The following RPS6KA6 variants were observed in gnomAD, a reference collection of about 807,000 sequenced individuals.
RPS6KA6 encodes the protein ribosomal protein S6 kinase A6.
Under a neutral mutation model 65.4 loss-of-function variants are expected in RPS6KA6, and 27 were observed. The ratio of observed to expected loss-of-function variants is 0.41; its 90% CI spans 0.30 to 0.57. The LOEUF is 0.57. Ranked by LOEUF, RPS6KA6 falls within the 20% of genes least tolerant of loss-of-function variation. The pLI, the probability that RPS6KA6 is intolerant of heterozygous loss-of-function variation, is 0.24. For synonymous variants in RPS6KA6, 190 were observed against 184.2 expected (o/e 1.03, Z -0.26); for missense variants, 486 against 555.6 (o/e 0.87, Z 1.26).
chrX:84,076,520 A>T (rs1352206623), intron 20 of RPS6KA6, among the ~76,000 whole-genome samples: 3 of 112,112 alleles, frequency 2.7e-5, no homozygotes, highest in Non-Finnish European at 5.6e-5. Flanking sequence ...ATTCAAATGT[A>T]TATCAATGTA....
chrX:84,150,781 G>A (rs1006378571), intron 3 of RPS6KA6, among the ~76,000 whole-genome samples: 2 of 95,536 alleles, frequency 2.1e-5, no homozygotes, highest in Non-Finnish European at 4.2e-5. Flanking sequence ...TATGAGACAC[G>A]GACTATATAG....
At chrX:84,151,238 GATAT>G (rs975613815) in intron 3 of RPS6KA6, among the ~76,000 whole-genome samples, 12 of 94,782 alleles carry the variant, frequency 1.3e-4, no homozygotes, top group East Asian at 7.7e-4. Context: ...AGATATATAG[GATAT>G]ATATAGATAT....
At chrX:84,132,849 G>A (rs2147508900) in intron 8 of RPS6KA6, among the ~76,000 whole-genome samples, 1 of 108,677 alleles carries the variant, frequency 9.2e-6, no homozygotes, top group South Asian at 4.0e-4. Flanking sequence ...TAATTTCAGA[G>A]TAGCCTGTCA....
At chrX:84,068,676 C>G (rs189962937) in intron 20 of RPS6KA6, among the ~76,000 whole-genome samples, 1 of 112,018 alleles carries the variant, frequency 8.9e-6, no homozygotes, top group Non-Finnish European at 1.9e-5. Flanking sequence ...AAAACCCTAT[C>G]GTCTCAGCCT....
At chrX:84,145,674 T>C (rs2035186442) in intron 5 of RPS6KA6, 117 bp from the exon 6 acceptor site, 5 of 392,168 alleles carry the variant, frequency 1.3e-5, no homozygotes, top group Admixed American at 1.1e-4. Context: ...GGTTCATTAA[T>C]GGATAACATC....
rs1249803802 is a variant in RPS6KA6 at position 84,118,605 on chromosome X, C to T, written c.790-1151G>A. Among the ~76,000 whole-genome samples, 3 of 111,592 alleles carry T rather than the reference C, an allele frequency of 2.7e-5. No homozygotes were observed. In the East Asian group the frequency reaches 8.5e-4, roughly 32 times the overall value. On this transcript the variant is annotated intron_variant, in intron 9 of 21. Coordinates refer to ENST00000262752, the MANE Select transcript of RPS6KA6 (RefSeq NM_014496.5). Reference sequence around the variant, plus strand: ...AACCAGCTGTCCTCTTCAGCTATCTCTTCTATTAACTTACCATTCTTTGAA... The same window carrying T: ...AACCAGCTGTCCTCTTCAGCTATCTTTTCTATTAACTTACCATTCTTTGAA...
At chrX:84,066,526 T>C (rs977324784) in intron 20 of RPS6KA6, among the ~76,000 whole-genome samples, 6 of 110,582 alleles carry the variant, frequency 5.4e-5, no homozygotes, top group Non-Finnish European at 1.1e-4. Context: ...GAATTTACCA[T>C]GGCGCAGCAA....
chrX:84,088,906 T>C (rs1569377060), intron 20 of RPS6KA6, among the ~76,000 whole-genome samples: 1 of 112,050 alleles, frequency 8.9e-6, no homozygotes, highest in Non-Finnish European at 1.9e-5. Context: ...ATGGCTATGA[T>C]CTGGCACAGC....
chrX:84,104,424 A>T, intron 17 of RPS6KA6, 75 bp downstream of exon 17: 1 of 629,184 alleles, frequency 1.6e-6, no homozygotes, highest in South Asian at 6.7e-5. Flanking sequence ...AACTTATTTT[A>T]GGTGGCATCA....
chrX:84,139,838 CAG>C (rs1448675490), intron 6 of RPS6KA6, among the ~76,000 whole-genome samples: 2 of 111,923 alleles, frequency 1.8e-5, no homozygotes, highest in African/African-American at 3.3e-5. Context: ...TACTGAGAGA[CAG>C]GGGACAAATG....
chrX:84,069,802 TG>T (rs1256528365), intron 20 of RPS6KA6, among the ~76,000 whole-genome samples: 2 of 111,780 alleles, frequency 1.8e-5, no homozygotes, highest in East Asian at 5.6e-4. Flanking sequence ...CAAAAACATA[TG>T]AAAAAAAGCT....
At chrX:84,129,640 T>C (rs1384693638) in intron 8 of RPS6KA6, among the ~76,000 whole-genome samples, 1 of 111,706 alleles carries the variant, frequency 9.0e-6, no homozygotes, top group African/African-American at 3.2e-5. Context: ...ATGTGGCACT[T>C]ATACACAACA....
At chrX:84,136,318 C>G (rs1450875986) in intron 6 of RPS6KA6, among the ~76,000 whole-genome samples, 1 of 111,412 alleles carries the variant, frequency 9.0e-6, no homozygotes, top group Admixed American at 9.6e-5. Context: ...AACCTGCTTG[C>G]CCATTTAGAA....
chrX:84,152,178 T>C (rs1374968130), intron 3 of RPS6KA6, among the ~76,000 whole-genome samples: 1 of 111,154 alleles, frequency 9.0e-6, no homozygotes, highest in African/African-American at 3.3e-5. Flanking sequence ...TCTAGAGAAG[T>C]AACCTGTTTA....
intron 16 of RPS6KA6, among the ~76,000 whole-genome samples, chrX:84,105,173 AAC>A (rs201065109): frequency 7.4e-5 from 8 of 108,646 alleles, no homozygotes; most frequent in African/African-American, 9.9e-5. Context: ...ATGTATGATA[AAC>A]ACACACACAC....
chrX:84,179,927 T>C (rs1009124413), intron 1 of RPS6KA6, among the ~76,000 whole-genome samples: 1 of 112,188 alleles, frequency 8.9e-6, no homozygotes, highest in Admixed American at 9.5e-5. Flanking sequence ...GAATGCAAAA[T>C]ATTTTTATCA....
At chrX:84,116,192 T>C (rs1556275251) in intron 12 of RPS6KA6, 37 bp downstream of exon 12, 1 of 832,671 alleles carries the variant, frequency 1.2e-6, no homozygotes, top group Admixed American at 2.6e-5. Flanking sequence ...GTTGGTCATA[T>C]GAAGTTATTC....
intron 1 of RPS6KA6, 121 bp downstream of exon 1, chrX:84,187,698 A>T: frequency 1.5e-6 from 1 of 651,342 alleles, no homozygotes; most frequent in Non-Finnish European, 2.3e-6. Flanking sequence ...GGCAGCATCA[A>T]GGGGGCTTGC....
chrX:84,153,490 A>G (rs751912199), intron 3 of RPS6KA6, among the ~76,000 whole-genome samples: 7 of 111,828 alleles, frequency 6.3e-5, no homozygotes, highest in Non-Finnish European at 1.3e-4. Flanking sequence ...CTTTCATGAT[A>G]ATAATGCATG....
Sources: allele counts gnomAD v4.1 joint callset (sites outside exome capture counted in the v4.1 genomes callset), GRCh38; gene constraint gnomAD v4.1.1; transcripts MANE v1.5; gene names NCBI Gene and HGNC (gene_info 2026-07-23, HGNC 2026-07-21).